The following UNC13A variants were observed in gnomAD, a reference collection of about 807,000 sequenced individuals.
UNC13A encodes unc-13 homolog A.
A neutral mutation model predicts 219.7 loss-of-function variants in UNC13A; 61 were observed. That is an observed-to-expected ratio of 0.28 (90% CI 0.23 to 0.34). UNC13A has a LOEUF of 0.34. UNC13A is among the 10% of genes least tolerant of loss of function. UNC13A has a pLI of 1.00. For synonymous variants in UNC13A, 920 were observed against 884.6 expected, an observed-to-expected ratio of 1.04 and a Z score of -0.71; for missense variants, 1,476 against 2,270.3, an observed-to-expected ratio of 0.65 and a Z score of 7.11.
chr19:17,655,933 C>A lies in UNC13A; in HGVS notation c.1233G>T (p.Val411=). Residue 411 remains valine (V), a synonymous_variant, in exon 10 of 44, where the codon GTG becomes GTT. Transcript: ENST00000519716. ...VAPKPATPDK[V]PAAEQIPEAE... is the part of the protein sequence containing the mutation. ...CCTCAGGGATCTGCTCAGCTGCAGG[C>A]ACCTTGTCGGGCGTGGCTGGCTTGG... 6.5e-7 allele frequency: 1 copy of A among 1,540,174 alleles called. No individual in the cohort carries two copies. The highest frequency in any genetic ancestry group is 1.3e-5 in the South Asian group (1 of 78,798).
chr19:17,616,533 T>G lies in UNC13A; in HGVS notation c.4558+1169A>C. On this transcript the variant is annotated intron_variant, in intron 41 of 43. Coordinates refer to ENST00000519716, the MANE Select transcript of UNC13A (RefSeq NM_001080421.3). ...TGGGGAGCGGGGAGAGACGAGCCAG[T>G]GAGAGGTGAGGATGGAGGAGTGTGT... 5 of 627,434 alleles carry G rather than the reference T, an allele frequency of 8.0e-6. No individual in the cohort carries two copies. The East Asian group carries it at 9.1e-5, about 11-fold the overall frequency. 38.9% of individuals were successfully genotyped at this position (627,434 alleles called of 1,614,324 possible).
Position 17,649,423 on chromosome 19 carries a change from C to T in UNC13A, c.1519-79G>A, listed in dbSNP as rs11665838. 473,253 of 1,613,134 alleles carry T rather than the reference C, an allele frequency of 0.29. 72,581 individuals carry two copies. Among genetic ancestry groups the T allele is most frequent in the South Asian group, 0.37 (34,009 of 91,064 alleles). ...AGAATGCCTAGCTGGCCCCCAACCC[C>T]AGGTTGACCATGGGCAGTTCCACAG... On this transcript the variant is annotated intron_variant, in intron 13 of 43. Transcript: ENST00000519716. This position sits in a 1 kb window ranked among gnomAD's most constrained non-coding sequence, Gnocchi z 4.4.
intron 28 of UNC13A, among the ~76,000 whole-genome samples, chr19:17,631,591 G>A (rs1328693614): frequency 2.6e-5 from 4 of 151,966 alleles, no homozygotes; most frequent in Non-Finnish European, 5.9e-5. Flanking sequence ...AGCAGAGAAC[G>A]ACACCACAAT....
rs1464596577 is a variant in UNC13A at position 17,617,684 on chromosome 19, C to T, written c.4558+18G>A. 3.7e-6 allele frequency: 6 copies of T among 1,609,450 alleles called. No individual in the cohort carries two copies. The highest frequency in any genetic ancestry group is 3.4e-6 in the Non-Finnish European group (4 of 1,176,078). On this transcript the variant is annotated intron_variant, in intron 41 of 43. Coordinates refer to ENST00000519716, the MANE Select transcript of UNC13A (RefSeq NM_001080421.3). ...CTCCGCGGAGCGGGAAAGGGTGATG[C>T]GGTCTGGGTACCCTTACCCTGGGCC...
chr19:17,619,572 C>T (rs1179626028), intron 38 of UNC13A, among the ~76,000 whole-genome samples: 1 of 151,810 alleles, frequency 6.6e-6, no homozygotes, highest in Admixed American at 6.6e-5. Context: ...TGGGACTACA[C>T]GTGTGAGCCA....
chr19:17,642,182 A>G (rs1421559807), intron 20 of UNC13A, among the ~76,000 whole-genome samples: 1 of 152,098 alleles, frequency 6.6e-6, no homozygotes, highest in African/African-American at 2.4e-5. Flanking sequence ...CATTTCATCT[A>G]TCCACCCAGT....
intron 43 of UNC13A, 124 bp from the exon 44 acceptor site, chr19:17,606,478 C>A: frequency 7.6e-7 from 1 of 1,313,742 alleles, no homozygotes; most frequent in Non-Finnish European, 1.0e-6. Flanking sequence ...TCACCTCCCA[C>A]GCTACGCTAG....
rs561753408 is a variant in UNC13A at position 17,667,587 on chromosome 19, C to T, written c.468+530G>A. 1.1e-3 allele frequency among the ~76,000 whole-genome samples: 163 copies of T among 152,146 alleles called. 1 individual carries two copies. In the Middle Eastern group the frequency reaches 0.014, roughly 13 times the overall value. On this transcript the variant is annotated intron_variant, in intron 6 of 43. Coordinates refer to ENST00000519716, the MANE Select transcript of UNC13A (RefSeq NM_001080421.3). The stretch of plus-strand genomic sequence containing the variant: ...CTCCCAGATTCAAGTGATTCTCCCA[C>T]CTCAGCCTCCCAAGGAGCTGGAATG...
intron 7 of UNC13A, 103 bp downstream of exon 7, chr19:17,666,547 C>G: frequency 2.3e-6 from 2 of 883,110 alleles, no homozygotes; most frequent in Non-Finnish European, 3.2e-6. Flanking sequence ...ACTCTCAGGA[C>G]TTGTATCTCC....
chr19:17,650,477 C>G (rs1012155336), intron 12 of UNC13A, among the ~76,000 whole-genome samples: 3 of 152,108 alleles, frequency 2.0e-5, no homozygotes, highest in African/African-American at 7.2e-5. Flanking sequence ...CACGCCACTG[C>G]AATCCAGCCT....
chr19:17,605,814 T>G lies in UNC13A; in HGVS notation c.*240A>C, dbSNP rs1599817481. 2.3e-6 allele frequency: 1 copy of G among 435,848 alleles called. No individual in the cohort carries two copies. Among genetic ancestry groups the G allele is most frequent in the Admixed American group, 4.6e-5 (1 of 21,654 alleles). 27.0% of individuals were successfully genotyped at this position (435,848 alleles called of 1,614,324 possible). ...TAGGTGCTGGGGGCGTGGCCTCAAG[T>G]TGGGGATGTGGCTCCTTCCTTCGTC... is the stretch of plus-strand genomic sequence containing the variant. On this transcript the variant is annotated 3_prime_UTR_variant, in exon 44 of 44. Transcript: ENST00000519716.
intron 1 of UNC13A, among the ~76,000 whole-genome samples, chr19:17,685,281 C>T (rs1327979079): frequency 6.6e-6 from 1 of 152,086 alleles, no homozygotes. Context: ...ACCTCCACCT[C>T]CCCTATTCAA....
intron 43 of UNC13A, among the ~76,000 whole-genome samples, chr19:17,609,118 C>T (rs1303175237): frequency 7.2e-6 from 1 of 139,246 alleles, no homozygotes; most frequent in South Asian, 2.3e-4. Context: ...CCACCACACC[C>T]GGCTAATTTT....
intron 20 of UNC13A, among the ~76,000 whole-genome samples, chr19:17,642,432 T>C (rs2145047236): frequency 6.6e-6 from 1 of 152,336 alleles, no homozygotes; most frequent in South Asian, 2.1e-4. Flanking sequence ...CCATCCATCC[T>C]TTTATCTACT....
At chr19:17,616,992 A>G (rs1568502479) in intron 41 of UNC13A, among the ~76,000 whole-genome samples, 1 of 152,140 alleles carries the variant, frequency 6.6e-6, no homozygotes, top group Non-Finnish European at 1.5e-5. Context: ...AGCAAAATAC[A>G]GAGAGAAAGA....
intron 34 of UNC13A, 118 bp from the exon 35 acceptor site, chr19:17,625,070 A>G (rs1011424829): frequency 2.1e-6 from 3 of 1,460,178 alleles, no homozygotes; most frequent in African/African-American, 1.4e-5. Context: ...CAGCCTGTAC[A>G]GGGACCCCTG....
At chr19:17,617,972 G>C (rs1368390603) in intron 40 of UNC13A, 123 bp from the exon 41 acceptor site, 3 of 1,337,764 alleles carry the variant, frequency 2.2e-6, no homozygotes, top group African/African-American at 2.9e-5. Flanking sequence ...CTCTTCCTTT[G>C]CTTTGCCTAG....
Position 17,688,353 on chromosome 19 carries a change from G to T in UNC13A, c.-154C>A. ...CGGCCATCTTGGTTCAGCACCGGGGGCGCGGACAGCGCCTGACGTGGCGCT... is the reference window on the plus strand; with the variant it reads ...CGGCCATCTTGGTTCAGCACCGGGGTCGCGGACAGCGCCTGACGTGGCGCT... On this transcript the variant is annotated 5_prime_UTR_variant, in exon 1 of 44. Transcript: ENST00000519716. The T allele has an allele frequency of 7.7e-7, 1 of 1,292,500 alleles. No homozygotes were observed. The highest frequency in any genetic ancestry group is 2.3e-5 in the South Asian group (1 of 42,822). The allele number at this position is 1,292,500 out of a possible 1,614,324, so 80.1% of individuals were successfully genotyped here.
intron 15 of UNC13A, 41 bp downstream of exon 15, chr19:17,648,871 A>T: frequency 1.3e-6 from 2 of 1,559,072 alleles, no homozygotes; most frequent in Non-Finnish European, 1.7e-6. Flanking sequence ...CTCCTAGCCC[A>T]GTCCATCCCT....
Sources: allele counts gnomAD v4.1 joint callset (sites outside exome capture counted in the v4.1 genomes callset), GRCh38; gene constraint gnomAD v4.1.1; non-coding constraint Gnocchi (gnomAD v3.1); transcripts MANE v1.5; gene names NCBI Gene and HGNC (gene_info 2026-07-23, HGNC 2026-07-21).